Variants in ROBO2 observed in about 807,000 individuals in gnomAD.
ROBO2 encodes roundabout guidance receptor 2, also known as roundabout homolog 2.
Under a neutral mutation model 160.8 loss-of-function variants are expected in ROBO2, and 53 were observed. The ratio of observed to expected loss-of-function variants is 0.33; its 90% CI spans 0.26 to 0.41. The LOEUF (loss-of-function observed/expected upper bound fraction) is 0.41, where lower values mean the gene tolerates loss of function less well. ROBO2 is among the 10% of genes least tolerant of loss of function. ROBO2 has a pLI of 1.00. For missense variants in ROBO2, 1,577 were observed against 1,722.4 expected (o/e 0.92, Z 1.49); for synonymous variants, 664 against 611.7 (o/e 1.09, Z -1.26).
intron 2 of ROBO2, among the ~76,000 whole-genome samples, chr3:76,638,675 A>G (rs531881625): frequency 3.3e-5 from 5 of 152,262 alleles, no homozygotes; most frequent in Non-Finnish European, 7.4e-5. Context: ...TAATGTTGCT[A>G]TTTTTTAAAA....
At chr3:77,226,818 G>A (rs1232991940) in intron 2 of ROBO2, among the ~76,000 whole-genome samples, 1 of 152,050 alleles carries the variant, frequency 6.6e-6, no homozygotes, top group Non-Finnish European at 1.5e-5. Context: ...ACCAAATACT[G>A]TACTGGAAAG....
chr3:76,869,851 G>A (rs137855499), intron 2 of ROBO2, among the ~76,000 whole-genome samples: 5 of 152,206 alleles, frequency 3.3e-5, no homozygotes, highest in East Asian at 1.9e-4. Flanking sequence ...AGATTTTGGA[G>A]CGTTGTTTCA....
At chr3:77,473,985 C>T (rs775571802) in intron 2 of ROBO2, among the ~76,000 whole-genome samples, 44 of 152,070 alleles carry the variant, frequency 2.9e-4, no homozygotes, top group Non-Finnish European at 4.7e-4. Context: ...AAGTTGTTCT[C>T]CAAAGTTTCT....
At chr3:76,648,938 A>G (rs2091119013) in intron 2 of ROBO2, among the ~76,000 whole-genome samples, 1 of 152,128 alleles carries the variant, frequency 6.6e-6, no homozygotes, top group Non-Finnish European at 1.5e-5. Context: ...TAGTCACAAA[A>G]TAAGGATGTC....
intron 2 of ROBO2, among the ~76,000 whole-genome samples, chr3:77,309,103 C>A (rs1162079533): frequency 6.8e-6 from 1 of 146,658 alleles, no homozygotes; most frequent in South Asian, 2.2e-4. Flanking sequence ...TTGTTTTAAT[C>A]CCAAGTAATT....
At chr3:76,426,240 C>T (rs1487572833) in intron 2 of ROBO2, among the ~76,000 whole-genome samples, 2 of 152,146 alleles carry the variant, frequency 1.3e-5, no homozygotes, top group African/African-American at 4.8e-5. Flanking sequence ...ACCACTTTGA[C>T]AGCATATATC....
At chr3:76,500,778 C>T (rs1333992861) in intron 2 of ROBO2, among the ~76,000 whole-genome samples, 1 of 152,220 alleles carries the variant, frequency 6.6e-6, no homozygotes, top group African/African-American at 2.4e-5. Flanking sequence ...ATGGTGATTT[C>T]GCGGTTCAAA....
intron 2 of ROBO2, among the ~76,000 whole-genome samples, chr3:77,125,141 C>CTTTGCTATG (rs2075192760): frequency 6.6e-6 from 1 of 152,064 alleles, no homozygotes. Flanking sequence ...TACAAGCTTT[C>CTTTGCTATG]TTTGCTATGA....
Position 76,109,330 on chromosome 3 carries a change from T to TA in ROBO2, c.109+171735dup, listed in dbSNP as rs201389888. ...CAAAATTAGAGGCCATAATACCTTT[T>TA]AAAAAAACTAAAGAATTAAAATCAT... On this transcript the variant is annotated intron_variant, in intron 2 of 26. Transcript: ENST00000487694. 9.0e-3 allele frequency among the ~76,000 whole-genome samples: 1,364 copies of TA among 152,146 alleles called. 39 individuals carry two copies. Among genetic ancestry groups the TA allele is most frequent in the Admixed American group, 0.058 (885 of 15,242 alleles).
Position 77,598,527 on chromosome 3 carries a change from G to GTATATATATATATATATATATATATATA in ROBO2, c.2854+1792_2854+1793insATATATATATATATATATATATATATAT, listed in dbSNP as rs3073098. ...TACGCACACACATATATATATATGTGTATATATATATATATCCCAAAGCTT... is the reference window on the plus strand; with the variant it reads ...TACGCACACACATATATATATATGTGTATATATATATATATATATATATATATATATATATATATATATCCCAAAGCTT... On this transcript the variant is annotated intron_variant, in intron 19 of 25. Transcript: ENST00000461745. Among the ~76,000 whole-genome samples, 66 of 139,934 alleles carry GTATATATATATATATATATATATATATA rather than the reference G, an allele frequency of 4.7e-4. 1 individual carries two copies. The highest frequency in any genetic ancestry group is 1.7e-3 in the African/African-American group (64 of 37,118). The allele number at this position is 139,934 out of a possible 152,430, so 91.8% of individuals were successfully genotyped here.
At chr3:76,063,806 A>G (rs758884218) in intron 2 of ROBO2, among the ~76,000 whole-genome samples, 5 of 152,040 alleles carry the variant, frequency 3.3e-5, no homozygotes, top group East Asian at 1.9e-4. Flanking sequence ...TTAATACCCT[A>G]CCTTTAAGTG....
chr3:77,146,421 C>A (rs952701417), intron 2 of ROBO2, among the ~76,000 whole-genome samples: 1 of 152,076 alleles, frequency 6.6e-6, no homozygotes, highest in Admixed American at 6.6e-5. Flanking sequence ...CCATGGAAAT[C>A]ATTTTTTTCC....
chr3:76,030,404 C>T (rs560767516), intron 2 of ROBO2, among the ~76,000 whole-genome samples: 2 of 152,138 alleles, frequency 1.3e-5, no homozygotes, highest in Non-Finnish European at 2.9e-5. Context: ...GCTTTTGATG[C>T]CGTTGCTTTT....
At chr3:76,062,335 A>ATT (rs11391964) in intron 2 of ROBO2, among the ~76,000 whole-genome samples, 96 of 151,098 alleles carry the variant, frequency 6.4e-4, no homozygotes, top group African/African-American at 9.0e-4. Context: ...TTGAAACACA[A>ATT]TTTTTTTTTT....
chr3:76,896,185 A>T (rs1472361337), intron 2 of ROBO2, among the ~76,000 whole-genome samples: 2 of 152,210 alleles, frequency 1.3e-5, no homozygotes, highest in Non-Finnish European at 2.9e-5. Flanking sequence ...TATATAGACT[A>T]TCAATAGCTG....
chr3:76,741,072 C>T (rs942486735), intron 2 of ROBO2, among the ~76,000 whole-genome samples: 1 of 151,998 alleles, frequency 6.6e-6, no homozygotes, highest in African/African-American at 2.4e-5. Context: ...GCTGGTTCTA[C>T]TTAGTCTGTT....
At chr3:76,320,789 T>C (rs2072452094) in intron 2 of ROBO2, among the ~76,000 whole-genome samples, 1 of 152,190 alleles carries the variant, frequency 6.6e-6, no homozygotes, top group South Asian at 2.1e-4. Context: ...GTTGAGGTTG[T>C]TGATTGCGAA....
chr3:75,971,918 T>C (rs754851756), intron 2 of ROBO2, among the ~76,000 whole-genome samples: 1 of 151,562 alleles, frequency 6.6e-6, no homozygotes, highest in Non-Finnish European at 1.5e-5. Context: ...TAATAAAATA[T>C]AGCATCCTGA....
At chr3:76,403,201 T>TG (rs1327682682) in intron 2 of ROBO2, among the ~76,000 whole-genome samples, 3 of 151,592 alleles carry the variant, frequency 2.0e-5, no homozygotes, top group African/African-American at 7.3e-5. Flanking sequence ...GTGTTCAGAC[T>TG]TGACTACATC....
Sources: gnomAD v4.1 joint callset for allele counts (sites outside exome capture counted in the v4.1 genomes callset) on GRCh38, gnomAD v4.1.1 for gene constraint, MANE v1.5 for transcripts, NCBI Gene and HGNC (gene_info 2026-07-23, HGNC 2026-07-21) for gene names.